The following INTS10 variants were observed in gnomAD, a reference collection of about 807,000 sequenced individuals.
INTS10 encodes the protein integrator complex subunit 10.
INTS10 carries 44 observed loss-of-function variants against 94.4 expected under a neutral mutation model. The ratio of observed to expected loss-of-function variants is 0.47; its 90% CI spans 0.37 to 0.60. The LOEUF is 0.60. Ranked by LOEUF, INTS10 falls within the 20% of genes least tolerant of loss-of-function variation. The pLI, the probability that INTS10 is intolerant of heterozygous loss-of-function variation, is 0.00. For missense variants in INTS10, 797 were observed against 868.7 expected (o/e 0.92, Z 1.04); for synonymous variants, 341 against 320.7 (o/e 1.06, Z -0.68).
Position 19,842,841 on chromosome 8 carries a change from C to A in INTS10, c.1640-7C>A. 1 of 1,598,150 alleles carries A rather than the reference C, an allele frequency of 6.3e-7. No individual in the cohort carries two copies. The highest frequency in any genetic ancestry group is 1.1e-5 in the South Asian group (1 of 90,588). On this transcript the variant is annotated splice_polypyrimidine_tract_variant and splice_region_variant and intron_variant, in intron 13 of 16. Coordinates refer to ENST00000397977, the MANE Select transcript of INTS10 (RefSeq NM_018142.4). ...TACATTAACCTAACATTGTGGACTT[C>A]TGTTAGGTTCGGATCTGAAGCTCCT... is the stretch of plus-strand genomic sequence containing the variant.
In INTS10 at chr8:19,845,878, C is replaced by T. The variant is rs576297365; in HGVS notation, c.1976+81C>T. On this transcript the variant is annotated intron_variant, in intron 16 of 16. Transcript: ENST00000397977. ...TATGAAGTATTTGTAAATGTCTATA[C>T]CTATCAAAAATTTAATACAAAGGAC... 6.5e-6 allele frequency: 6 copies of T among 920,402 alleles called. No individual in the cohort carries two copies. In the East Asian group the frequency reaches 1.3e-4, roughly 20 times the overall value. The allele number at this position is 920,402 out of a possible 1,614,324, so 57.0% of individuals were successfully genotyped here.
chr8:19,821,654 C>T (rs1045601050), intron 4 of INTS10: 2 of 151,834 alleles, frequency 1.3e-5, no homozygotes, highest in East Asian at 3.9e-4. Context: ...TTCTAATCCA[C>T]CATGACCTCA....
intron 9 of INTS10, 68 bp from the exon 10 acceptor site, chr8:19,830,338 A>G (rs916540205): frequency 1.3e-5 from 18 of 1,384,172 alleles, no homozygotes; most frequent in Admixed American, 6.9e-5. Flanking sequence ...ACTGGCAGCA[A>G]TAATATGTTT....
chr8:19,837,354 GT>G (rs1563420488), intron 13 of INTS10, 194 bp downstream of exon 13: 17 of 557,994 alleles, frequency 3.0e-5, no homozygotes, highest in Non-Finnish European at 5.4e-5. Flanking sequence ...AAGAAAAATA[GT>G]TTTAGGACCC....
At position 19,819,589 on chromosome 8, in the gene INTS10, G is replaced by A; in HGVS notation, c.214G>A (p.Asp72Asn). Reference protein sequence around the residue: ...LLYDMFVNFPDQPVVWREISI... With the variant: ...LLYDMFVNFPNQPVVWREISI... ...TAAAAATAGGTTTGTGAATTTCCCA[G>A]ACCAGCCGGTGGTGTGGAGAGAAAT... The change falls in exon 3 of 17, where the codon GAC becomes AAC. Residue 72 changes from aspartate (D) to asparagine (N), a missense_variant. Physicochemically the swap from Asp to Asn is conservative, Grantham distance 23 (BLOSUM62 1). Coordinates refer to ENST00000397977, the MANE Select transcript of INTS10 (RefSeq NM_018142.4). The A allele has an allele frequency of 6.2e-7, 1 of 1,612,186 alleles. No individual in the cohort carries two copies. The highest frequency in any genetic ancestry group is 1.1e-5 in the South Asian group (1 of 90,732).
intron 13 of INTS10, 21 bp downstream of exon 13, chr8:19,837,181 A>G (rs760088636): frequency 6.8e-7 from 1 of 1,462,528 alleles, no homozygotes; most frequent in South Asian, 1.1e-5. Context: ...ATGTTTTATG[A>G]CTATTTTGTA....
In INTS10 at chr8:19,851,849, TAGG is replaced by T. The variant is rs772140810; in HGVS notation, c.*47_*49del. The T allele has an allele frequency of 2.3e-5, 36 of 1,573,410 alleles. No homozygotes were observed. The South Asian group carries it at 3.0e-4, about 13-fold the overall frequency. On this transcript the variant is annotated 3_prime_UTR_variant, in exon 17 of 17. Coordinates refer to ENST00000397977, the MANE Select transcript of INTS10 (RefSeq NM_018142.4). This position sits in a 1 kb window ranked among gnomAD's most constrained non-coding sequence, Gnocchi z 5.0. The stretch of plus-strand genomic sequence containing the variant: ...GACACAGCTCGGGCCTGTGTAATTG[TAGG>T]AGAAGACACTCAGCAGTGATTGCCA...
rs891919471 is a variant in INTS10 at position 19,844,295 on chromosome 8, A to G, written c.1882+57A>G. The G allele has an allele frequency of 1.2e-5, 15 of 1,243,806 alleles. No homozygotes were observed. In the Admixed American group the frequency reaches 2.5e-4, roughly 21 times the overall value. 77.0% of individuals were successfully genotyped at this position (1,243,806 alleles called of 1,614,324 possible). A position where few individuals can be genotyped will look rare whatever the true frequency, so the allele number is the denominator to read the frequency against. ...TTCTGATTTTCTTTAGAATGAATACATGATAGAAAAAGAATGAACCATTCT... is the reference window on the plus strand; with the variant it reads ...TTCTGATTTTCTTTAGAATGAATACGTGATAGAAAAAGAATGAACCATTCT... On this transcript the variant is annotated intron_variant, in intron 15 of 16. Transcript: ENST00000397977.
rs1212046716 is a variant in INTS10, at chr8:19,817,505, G to T, written c.-33G>T. On this transcript the variant is annotated 5_prime_UTR_variant, in exon 1 of 17. Coordinates refer to ENST00000397977, the MANE Select transcript of INTS10 (RefSeq NM_018142.4). ...GAGTCCAGAGCCGGACGTTCCGGCC[G>T]CTTCGGGCTGGCGGCTGGAGAGCGC... 2 of 1,595,218 alleles carry T rather than the reference G, an allele frequency of 1.3e-6. No homozygotes were observed. Among genetic ancestry groups the T allele is most frequent in the East Asian group, 2.3e-5 (1 of 44,264 alleles).
rs1308389198 is a variant in INTS10 at position 19,849,428 on chromosome 8, A to C, written c.1977-2221A>C. Among the ~76,000 whole-genome samples the C allele has an allele frequency of 1.3e-5, 2 of 152,036 alleles. No homozygotes were observed. Among genetic ancestry groups the C allele is most frequent in the African/African-American group, 4.8e-5 (2 of 41,396 alleles). On this transcript the variant is annotated intron_variant, in intron 16 of 16. Coordinates refer to ENST00000397977, the MANE Select transcript of INTS10 (RefSeq NM_018142.4). This position sits in a 1 kb window ranked among gnomAD's most constrained non-coding sequence, Gnocchi z 4.6. ...TCTTATTTTTTTTCCATAAGTTGCCAGTGTGTTTGTGTTCGATTTAAAAAT... is the reference window on the plus strand; with the variant it reads ...TCTTATTTTTTTTCCATAAGTTGCCCGTGTGTTTGTGTTCGATTTAAAAAT...
intron 12 of INTS10, among the ~76,000 whole-genome samples, chr8:19,835,959 C>G (rs541418697): frequency 1.3e-5 from 2 of 152,052 alleles, no homozygotes; most frequent in Non-Finnish European, 2.9e-5. Context: ...AACACATGGA[C>G]ACAGGCAGGG....
chr8:19,818,706 A>G, intron 2 of INTS10: 1 of 215,358 alleles, frequency 4.6e-6, no homozygotes, highest in South Asian at 6.1e-5. Flanking sequence ...ACATGTATGC[A>G]TAATACATAA....
At position 19,848,271 on chromosome 8, in the gene INTS10, C is replaced by T. The variant is rs1025634611; in HGVS notation, c.1976+2474C>T. On this transcript the variant is annotated intron_variant, in intron 16 of 16. Coordinates refer to ENST00000397977, the MANE Select transcript of INTS10 (RefSeq NM_018142.4). ...GTTGTGAGCAGTGTACACTTCTCCC[C>T]GGGGGTAAGGCTGTGAGTCTGCCCT... 1.1e-4 allele frequency among the ~76,000 whole-genome samples: 16 copies of T among 152,248 alleles called. 1 individual carries two copies. Among genetic ancestry groups the T allele is most frequent in the East Asian group, 7.7e-4 (4 of 5,170 alleles).
rs565607942 is a variant in INTS10, at chr8:19,846,824, G to A, written c.1976+1027G>A. On this transcript the variant is annotated intron_variant, in intron 16 of 16. Coordinates refer to ENST00000397977, the MANE Select transcript of INTS10 (RefSeq NM_018142.4). This position sits in a 1 kb window ranked among gnomAD's most constrained non-coding sequence, Gnocchi z 4.2. ...ATATCCTCTCTGCTGTAAATGCCAC[G>A]TGTAGTTTTATTTTCATACTTCCTC... is the stretch of plus-strand genomic sequence containing the variant. Among the ~76,000 whole-genome samples, 3 of 152,286 alleles carry A rather than the reference G, an allele frequency of 2.0e-5. No individual in the cohort carries two copies. Among genetic ancestry groups the A allele is most frequent in the South Asian group, 4.1e-4 (2 of 4,830 alleles).
At chr8:19,831,871 CTA>C (rs1389532505) in intron 10 of INTS10, among the ~76,000 whole-genome samples, 155 bp from the exon 11 acceptor site, 12 of 152,160 alleles carry the variant, frequency 7.9e-5, no homozygotes, top group African/African-American at 2.2e-4. Flanking sequence ...TGTTTCTTCT[CTA>C]CTTGAAATTC....
In INTS10 at chr8:19,851,897, T is replaced by C. The variant is rs2069066712; in HGVS notation, c.*92T>C. ...TTGCCATGGCACAGAGCCGTGGTCA[T>C]TGTTGCTGTTACAAAGAAGAAAACC... On this transcript the variant is annotated 3_prime_UTR_variant, in exon 17 of 17. Transcript: ENST00000397977. The surrounding 1 kb of genome is among the most constrained non-coding windows in gnomAD (Gnocchi z 5.0). 2 of 1,140,908 alleles carry C rather than the reference T, an allele frequency of 1.8e-6. No homozygotes were observed. Among genetic ancestry groups the C allele is most frequent in the Non-Finnish European group, 2.5e-6 (2 of 790,038 alleles). 70.7% of individuals were successfully genotyped at this position (1,140,908 alleles called of 1,614,324 possible).
At chr8:19,832,151 G>C in intron 11 of INTS10, 41 bp downstream of exon 11, 1 of 1,095,018 alleles carries the variant, frequency 9.1e-7, no homozygotes, top group Non-Finnish European at 1.4e-6. Flanking sequence ...TGTCTGTACA[G>C]CATGGCTATG....
At position 19,837,162 on chromosome 8, in the gene INTS10, T is replaced by A. The variant is rs1590016222; in HGVS notation, c.1639+2T>A. 1 of 1,563,656 alleles carries A rather than the reference T, an allele frequency of 6.4e-7. No homozygotes were observed. On this transcript the variant is annotated splice_donor_variant, in intron 13 of 16. Transcript: ENST00000397977. LOFTEE classifies it high-confidence loss of function. ...AAGTAAAGCCCAAATTTAGAAAAGG[T>A]ACAGTGACATGTTTTATGACTATTT... is the stretch of plus-strand genomic sequence containing the variant.
At chr8:19,822,295 C>T in intron 4 of INTS10, 144 bp from the exon 5 acceptor site, 2 of 535,148 alleles carry the variant, frequency 3.7e-6, no homozygotes, top group South Asian at 2.7e-5. Context: ...TTTTATTTTC[C>T]AGTCTTTAAA....
Sources: allele counts gnomAD v4.1 joint callset (sites outside exome capture counted in the v4.1 genomes callset), GRCh38; gene constraint gnomAD v4.1.1; non-coding constraint Gnocchi (gnomAD v3.1); transcripts MANE v1.5; gene names NCBI Gene and HGNC (gene_info 2026-07-23, HGNC 2026-07-21).